HSPA12A: variants seen among roughly 807,000 people sequenced by gnomAD.
HSPA12A encodes the protein heat shock protein family A (Hsp70) member 12A.
HSPA12A carries 28 observed loss-of-function variants against 69.2 expected under a neutral mutation model. The ratio of observed to expected loss-of-function variants is 0.40; its 90% CI spans 0.30 to 0.55. HSPA12A has a LOEUF of 0.55. HSPA12A is among the 20% of genes least tolerant of loss of function. HSPA12A has a pLI of 0.38. For missense variants in HSPA12A, 686 were observed against 900.7 expected, an observed-to-expected ratio of 0.76 and a Z score of 3.05; for synonymous variants, 345 against 370.5, an observed-to-expected ratio of 0.93 and a Z score of 0.79.
In HSPA12A at chr10:116,702,053, G is replaced by A. The variant is rs143706900; in HGVS notation, c.255-924C>T. 2.1e-3 allele frequency among the ~76,000 whole-genome samples: 318 copies of A among 152,150 alleles called. 2 individuals are homozygous for A. Among genetic ancestry groups the A allele is most frequent in the African/African-American group, 7.1e-3 (296 of 41,482 alleles). On this transcript the variant is annotated intron_variant, in intron 3 of 11. Coordinates refer to ENST00000369209, the MANE Select transcript of HSPA12A (RefSeq NM_025015.3). ...GGGGCCAAGGTGGGAGGATTGCAGT[G>A]AGCTATGATCGCATCACTGCACTCC...
At chr10:116,693,982 C>A (rs913790821) in intron 5 of HSPA12A, among the ~76,000 whole-genome samples, 15 of 152,176 alleles carry the variant, frequency 9.9e-5, no homozygotes, top group African/African-American at 3.6e-4. Flanking sequence ...TTTGAAAAAG[C>A]AGGTGAGGGT....
At chr10:116,780,253 A>G (rs1322830903) in intron 2 of HSPA12A, among the ~76,000 whole-genome samples, 13 of 152,176 alleles carry the variant, frequency 8.5e-5, no homozygotes, top group Admixed American at 8.5e-4. Flanking sequence ...CTTGAGTCCA[A>G]TTCTTAACCT....
intron 2 of HSPA12A, among the ~76,000 whole-genome samples, chr10:116,805,990 C>T (rs1681743): frequency 0.32 from 48,242 of 152,034 alleles, 8,270 homozygotes; most frequent in Non-Finnish European, 0.39. Flanking sequence ...TTTGGTCCAA[C>T]GTGAGAGATG....
chr10:116,746,610 G>T (rs1554887837), upstream of HSPA12A, among the ~76,000 whole-genome samples: 2 of 151,194 alleles, frequency 1.3e-5, no homozygotes, highest in African/African-American at 2.4e-5. Context: ...GTAATGATAG[G>T]TATCATAATT....
At chr10:116,701,800 G>A (rs1484970863) in intron 3 of HSPA12A, among the ~76,000 whole-genome samples, 2 of 152,288 alleles carry the variant, frequency 1.3e-5, no homozygotes, top group Admixed American at 6.5e-5. Context: ...TGAGAAACAC[G>A]ATTGGGAAAG....
intron 1 of HSPA12A, among the ~76,000 whole-genome samples, chr10:116,713,619 G>T (rs1159824942): frequency 1.3e-5 from 2 of 152,050 alleles, no homozygotes; most frequent in African/African-American, 4.8e-5. Flanking sequence ...GACAGGAAAA[G>T]CCCCGAGTCC....
intron 5 of HSPA12A, among the ~76,000 whole-genome samples, 177 bp from the exon 6 acceptor site, chr10:116,692,644 C>G (rs981620790): frequency 6.6e-6 from 1 of 152,220 alleles, no homozygotes; most frequent in Middle Eastern, 3.2e-3. Context: ...ATTCTGCAAG[C>G]CGGGAGCTCT....
At chr10:116,821,141 C>T (rs973536275) in intron 2 of HSPA12A, among the ~76,000 whole-genome samples, 1 of 152,160 alleles carries the variant, frequency 6.6e-6, no homozygotes, top group Non-Finnish European at 1.5e-5. Flanking sequence ...CCCAACATGA[C>T]CTTTGGGATC....
intron 6 of HSPA12A, among the ~76,000 whole-genome samples, chr10:116,691,606 T>G (rs1191927422): frequency 2.6e-5 from 4 of 152,168 alleles, no homozygotes; most frequent in Non-Finnish European, 5.9e-5. Context: ...GGGGCTTAAG[T>G]GCAACAGGAG....
chr10:116,706,323 C>T (rs1239802902), intron 2 of HSPA12A, among the ~76,000 whole-genome samples: 2 of 152,060 alleles, frequency 1.3e-5, no homozygotes, highest in African/African-American at 2.4e-5. Flanking sequence ...ACACCGCTCC[C>T]CTCCCTCACA....
At chr10:116,779,306 G>A (rs1554891522) in intron 2 of HSPA12A, among the ~76,000 whole-genome samples, 2 of 152,214 alleles carry the variant, frequency 1.3e-5, no homozygotes, top group African/African-American at 4.8e-5. Flanking sequence ...GTAGCAGGGA[G>A]GGGAGACAAG....
At chr10:116,731,609 G>C (rs565881411) in intron 1 of HSPA12A, among the ~76,000 whole-genome samples, 1 of 152,224 alleles carries the variant, frequency 6.6e-6, no homozygotes. Context: ...AAGAACAAAA[G>C]AGCAAAATTT....
intron 1 of HSPA12A, 113 bp downstream of exon 1, chr10:116,742,317 G>A (rs1851538570): frequency 5.3e-6 from 6 of 1,128,324 alleles, no homozygotes; most frequent in Non-Finnish European, 6.9e-6. Context: ...GATGCAGCGC[G>A]GGCGTCCCCA....
At position 116,742,438 on chromosome 10, in the gene HSPA12A, C is replaced by G. The variant is rs1851543976; in HGVS notation, c.32G>C (p.Gly11Ala). ...CCGCAGCCTGCGCTCACCTCGGGGC[C>G]CGTCGCTGCCGCCGGCCTCCTTGTC... MADKEAGGSD[G>A]PRETAPTSAY... The change falls in exon 1 of 12, where the codon GGG (glycine) becomes GCG (alanine). Residue 11 changes from glycine (G) to alanine (A), a missense_variant. Physicochemically the swap from Gly to Ala is moderately conservative, Grantham distance 60. Coordinates refer to ENST00000369209, the MANE Select transcript of HSPA12A (RefSeq NM_025015.3). 2 of 1,414,434 alleles carry G rather than the reference C, an allele frequency of 1.4e-6. No individual in the cohort carries two copies. The highest frequency in any genetic ancestry group is 1.8e-6 in the Non-Finnish European group (2 of 1,083,384). The allele number at this position is 1,414,434 out of a possible 1,614,324, so 87.6% of individuals were successfully genotyped here. A position where few individuals can be genotyped will look rare whatever the true frequency, so the allele number is the denominator to read the frequency against.
chr10:116,681,236 C>G lies in HSPA12A; in HGVS notation c.943G>C (p.Asp315His). Residue 315 changes from aspartate (D) to histidine (H), a missense_variant, in exon 9 of 12, where the codon GAC becomes CAC. Physicochemically the swap from Asp to His is moderately conservative, Grantham distance 81 (BLOSUM62 -1). Transcript: ENST00000369209. ...LEEGDKYVVV[D>H]SGGGTVDLTV... ...AGGTCTACGGTGCCACCGCCACTGTCCACAACCACATACTTATCACCTGGC... is the reference window on the plus strand; with the variant it reads ...AGGTCTACGGTGCCACCGCCACTGTGCACAACCACATACTTATCACCTGGC... 6.2e-7 allele frequency: 1 copy of G among 1,614,042 alleles called. No individual in the cohort carries two copies. Among genetic ancestry groups the G allele is most frequent in the Non-Finnish European group, 8.5e-7 (1 of 1,179,932 alleles).
At chr10:116,756,932 A>G (rs781949970) in intron 2 of HSPA12A, among the ~76,000 whole-genome samples, 8 of 152,220 alleles carry the variant, frequency 5.3e-5, no homozygotes, top group Non-Finnish European at 1.2e-4. Flanking sequence ...GATGCCAGGC[A>G]TCCTTCTAGG....
intron 2 of HSPA12A, among the ~76,000 whole-genome samples, chr10:116,780,482 G>T (rs977036030): frequency 1.6e-4 from 25 of 152,026 alleles, no homozygotes; most frequent in African/African-American, 6.0e-4. Flanking sequence ...CTCCTGAGTG[G>T]CTGGGAGCAC....
At position 116,675,009 on chromosome 10, in the gene HSPA12A, G is replaced by A. The variant is rs879979287; in HGVS notation, c.1800C>T (p.Ile600=). The A allele has an allele frequency of 4.3e-5, 70 of 1,614,070 alleles. No individual in the cohort carries two copies. Among genetic ancestry groups the A allele is most frequent in the Non-Finnish European group, 5.9e-5 (70 of 1,180,042 alleles). ...PAKPSQLVIV[I]NIYSSEHDNV... is the part of the protein sequence containing the mutation. ...TGTCGTGCTCAGAGCTGTAGATGTT[G>A]ATGACAATGACCAGCTGGGAGGGCT... Residue 600 remains isoleucine (I), a synonymous_variant, in exon 12 of 12, where the codon ATC becomes ATT. Transcript: ENST00000369209. This position sits in a 1 kb window ranked among gnomAD's most constrained non-coding sequence, Gnocchi z 5.2.
At chr10:116,843,190 A>G (rs1476057422) in intron 1 of HSPA12A, among the ~76,000 whole-genome samples, 2 of 152,246 alleles carry the variant, frequency 1.3e-5, no homozygotes, top group Non-Finnish European at 2.9e-5. Context: ...GGGAAGCAAG[A>G]GTGAAACAAC....
Sources: allele counts gnomAD v4.1 joint callset (sites outside exome capture counted in the v4.1 genomes callset), GRCh38; gene constraint gnomAD v4.1.1; non-coding constraint Gnocchi (gnomAD v3.1); transcripts MANE v1.5; gene names NCBI Gene and HGNC (gene_info 2026-07-23, HGNC 2026-07-21).